The following MACROD2 variants were observed in gnomAD, a reference collection of about 807,000 sequenced individuals.
MACROD2 encodes ADP-ribose glycohydrolase MACROD2.
Under a neutral mutation model 70.4 loss-of-function variants are expected in MACROD2, and 36 were observed. The ratio of observed to expected loss-of-function variants is 0.51; its 90% CI spans 0.39 to 0.68. The LOEUF (loss-of-function observed/expected upper bound fraction) is 0.68. Ranked by LOEUF, MACROD2 falls within the 30% of genes least tolerant of loss-of-function variation. MACROD2 has a pLI of 0.00. For synonymous variants in MACROD2, 172 were observed against 178.8 expected (o/e 0.96, Z 0.30); for missense variants, 496 against 538.4 (o/e 0.92, Z 0.78).
At chr20:15,520,786 G>T (rs1460591820) in intron 8 of MACROD2, among the ~76,000 whole-genome samples, 26 of 152,204 alleles carry the variant, frequency 1.7e-4, no homozygotes, top group Admixed American at 1.7e-3. Flanking sequence ...GATATTCTCT[G>T]ATCAAGTTCC....
chr20:14,750,019 C>T (rs2071849591), intron 5 of MACROD2, among the ~76,000 whole-genome samples: 1 of 152,088 alleles, frequency 6.6e-6, no homozygotes, highest in Non-Finnish European at 1.5e-5. Flanking sequence ...GTATACTTAA[C>T]ACTTCTGAAC....
At position 14,027,950 on chromosome 20, in the gene MACROD2, G is replaced by C. The variant is rs571535676; in HGVS notation, c.163+25546G>C. Among the ~76,000 whole-genome samples, 4 of 152,348 alleles carry C rather than the reference G, an allele frequency of 2.6e-5. No individual in the cohort carries two copies. The East Asian group carries it at 7.7e-4, about 29-fold the overall frequency. Reference sequence around the variant, plus strand: ...GCAGAGTGTGAGGGCTGTGCTGGGAGATCCGCTGCTCTCTTTAGAGCCAGC... The same window carrying C: ...GCAGAGTGTGAGGGCTGTGCTGGGACATCCGCTGCTCTCTTTAGAGCCAGC... On this transcript the variant is annotated intron_variant, in intron 2 of 17. Transcript: ENST00000684519.
chr20:14,808,731 T>A (rs2072670793), intron 5 of MACROD2, among the ~76,000 whole-genome samples: 1 of 149,032 alleles, frequency 6.7e-6, no homozygotes, highest in Non-Finnish European at 1.5e-5. Flanking sequence ...AATAAAGGGA[T>A]GGAGCAAGAT....
At chr20:14,729,798 C>T (rs983825646) in intron 5 of MACROD2, among the ~76,000 whole-genome samples, 2 of 151,466 alleles carry the variant, frequency 1.3e-5, no homozygotes, top group Non-Finnish European at 2.9e-5. Flanking sequence ...AAAAAAAGCA[C>T]TAAATGTACG....
chr20:15,567,228 A>G (rs1373363609), intron 8 of MACROD2, among the ~76,000 whole-genome samples: 2 of 152,168 alleles, frequency 1.3e-5, no homozygotes, highest in Admixed American at 6.5e-5. Context: ...TTAGTTAGTC[A>G]AGACTTTATT....
chr20:15,091,375 A>T (rs1246520276), intron 5 of MACROD2, among the ~76,000 whole-genome samples: 1 of 152,122 alleles, frequency 6.6e-6, no homozygotes, highest in African/African-American at 2.4e-5. Flanking sequence ...GAAAAATAAA[A>T]GTTTTTATGT....
intron 3 of MACROD2, among the ~76,000 whole-genome samples, chr20:14,176,442 T>C (rs562028776): frequency 4.8e-4 from 73 of 152,246 alleles, no homozygotes; most frequent in Middle Eastern, 3.4e-3. Flanking sequence ...CTCTCTGGAG[T>C]TGCTAAAATG....
intron 8 of MACROD2, among the ~76,000 whole-genome samples, chr20:15,594,520 A>G (rs1265720355): frequency 6.6e-6 from 1 of 152,206 alleles, no homozygotes; most frequent in Non-Finnish European, 1.5e-5. Context: ...ACTCCCATTC[A>G]TAACATGTGC....
chr20:14,732,949 G>T (rs1205378038), intron 5 of MACROD2, among the ~76,000 whole-genome samples: 3 of 152,090 alleles, frequency 2.0e-5, no homozygotes, highest in Non-Finnish European at 4.4e-5. Context: ...TACCAAGGTT[G>T]TCATCTCACC....
At chr20:14,956,876 A>G (rs1292619161) in intron 5 of MACROD2, among the ~76,000 whole-genome samples, 1 of 152,154 alleles carries the variant, frequency 6.6e-6, no homozygotes, top group Non-Finnish European at 1.5e-5. Flanking sequence ...AAATTAGGTG[A>G]GACTCACTAC....
chr20:16,023,607 A>C (rs1229602221), intron 15 of MACROD2, among the ~76,000 whole-genome samples: 1 of 152,002 alleles, frequency 6.6e-6, no homozygotes, highest in Non-Finnish European at 1.5e-5. Context: ...GAGGTGGGGA[A>C]ATGAGACCGA....
At chr20:14,745,507 A>G (rs573380855) in intron 5 of MACROD2, among the ~76,000 whole-genome samples, 15 of 152,212 alleles carry the variant, frequency 9.9e-5, no homozygotes, top group Non-Finnish European at 1.0e-4. Context: ...GATGGATATC[A>G]TAGTGGTTAA....
In MACROD2 at chr20:14,474,065, AT is replaced by A. The variant is rs776926133; in HGVS notation, c.272-19412del. Among the ~76,000 whole-genome samples the A allele has an allele frequency of 3.2e-3, 490 of 152,030 alleles. 4 individuals carry two copies. Among genetic ancestry groups the A allele is most frequent in the Middle Eastern group, 0.017 (5 of 294 alleles). On this transcript the variant is annotated intron_variant, in intron 3 of 17. Coordinates refer to ENST00000684519, the MANE Select transcript of MACROD2 (RefSeq NM_001351661.2). ...CTTGAGTTCCTTATATTTTCTGGAT[AT>A]TAACCCCTTGTTAGATGCATAGCTG...
chr20:15,212,118 A>G (rs1489597205), intron 5 of MACROD2, among the ~76,000 whole-genome samples: 2 of 152,184 alleles, frequency 1.3e-5, no homozygotes, highest in East Asian at 1.9e-4. Flanking sequence ...GATATTGAGC[A>G]CTATTTCATG....
chr20:14,286,496 T>TG (rs536040456), intron 3 of MACROD2, among the ~76,000 whole-genome samples: 40 of 152,288 alleles, frequency 2.6e-4, no homozygotes, highest in Non-Finnish European at 3.8e-4. Context: ...ATGTTCCCCC[T>TG]GCCAGGTTTT....
At chr20:14,246,452 TCATCTCTGAGTC>T in intron 3 of MACROD2, among the ~76,000 whole-genome samples, 1 of 152,180 alleles carries the variant, frequency 6.6e-6, no homozygotes, top group African/African-American at 2.4e-5. Context: ...AAAAATCCAG[TCATCTCTGAGTC>T]TAGCTCAAGT....
At chr20:15,210,549 T>C (rs1469968740) in intron 5 of MACROD2, among the ~76,000 whole-genome samples, 1 of 115,078 alleles carries the variant, frequency 8.7e-6, no homozygotes, top group African/African-American at 3.3e-5. Flanking sequence ...ATTCTTTTCT[T>C]CTGTTTTTTT....
chr20:14,691,943 T>C (rs1022612908), intron 5 of MACROD2, among the ~76,000 whole-genome samples: 8 of 152,192 alleles, frequency 5.3e-5, no homozygotes, highest in African/African-American at 1.9e-4. Flanking sequence ...TTTAAGTGCT[T>C]AAGGAATTCA....
chr20:15,743,819 T>C (rs1392650869), intron 8 of MACROD2, among the ~76,000 whole-genome samples: 2 of 152,210 alleles, frequency 1.3e-5, no homozygotes, highest in African/African-American at 2.4e-5. Flanking sequence ...TCACTCTTCT[T>C]TCTCTTTCTC....
Sources: allele counts gnomAD v4.1 joint callset (sites outside exome capture counted in the v4.1 genomes callset), GRCh38; gene constraint gnomAD v4.1.1; transcripts MANE v1.5; gene names NCBI Gene and HGNC (gene_info 2026-07-23, HGNC 2026-07-21).